The following ADCY5 variants were observed in gnomAD, a reference collection of about 807,000 sequenced individuals.
The protein encoded by ADCY5 is adenylate cyclase 5.
A neutral mutation model predicts 119.7 loss-of-function variants in ADCY5; 30 were observed. The observed-to-expected ratio is 0.25, with a 90% CI of 0.19 to 0.34. The LOEUF (loss-of-function observed/expected upper bound fraction) is 0.34, where lower values mean the gene tolerates loss of function less well. Among genes scored for constraint, ADCY5 ranks in the 10% least tolerant of loss-of-function variants. ADCY5 has a pLI of 1.00. For synonymous variants in ADCY5, 753 were observed against 762.2 expected (o/e 0.99, Z 0.20); for missense variants, 1,324 against 1,775.2 (o/e 0.75, Z 4.57).
intron 1 of ADCY5, among the ~76,000 whole-genome samples, chr3:123,427,826 T>C (rs1055083696): frequency 1.3e-5 from 2 of 152,238 alleles, no homozygotes; most frequent in African/African-American, 2.4e-5. Flanking sequence ...ACAGGTTTGC[T>C]GTTGAGGACA....
At chr3:123,328,556 C>T (rs904589724) in intron 6 of ADCY5, 88 bp downstream of exon 6, 11 of 1,498,120 alleles carry the variant, frequency 7.3e-6, no homozygotes, top group Non-Finnish European at 1.0e-5. Context: ...CCACCCTGCC[C>T]CGCCTCGCCT....
intron 2 of ADCY5, among the ~76,000 whole-genome samples, chr3:123,349,085 A>C (rs1267666881): frequency 6.6e-6 from 1 of 151,952 alleles, no homozygotes; most frequent in Non-Finnish European, 1.5e-5. Flanking sequence ...CATTTCCCAC[A>C]TCCCTACCTC....
intron 3 of ADCY5, among the ~76,000 whole-genome samples, chr3:123,341,266 T>C (rs1476446803): frequency 1.3e-5 from 2 of 151,782 alleles, no homozygotes; most frequent in East Asian, 3.9e-4. Flanking sequence ...AAATGTGGTA[T>C]ATTCATATAA....
intron 1 of ADCY5, among the ~76,000 whole-genome samples, chr3:123,359,153 A>G (rs1030432234): frequency 4.6e-5 from 7 of 151,710 alleles, no homozygotes; most frequent in Admixed American, 2.0e-4. Flanking sequence ...GCCCCTTGCA[A>G]TATGGTTCAC....
intron 12 of ADCY5, among the ~76,000 whole-genome samples, chr3:123,307,162 T>C (rs1261935596): frequency 1.3e-5 from 2 of 152,176 alleles, no homozygotes; most frequent in Non-Finnish European, 2.9e-5. Context: ...TTAGCACCAA[T>C]AGTTGAATAA....
chr3:123,446,208 C>T (rs1401887249), intron 1 of ADCY5, among the ~76,000 whole-genome samples: 2 of 152,154 alleles, frequency 1.3e-5, no homozygotes, highest in Admixed American at 6.5e-5. Flanking sequence ...AATACTATGT[C>T]CAGGAAGCCA....
chr3:123,378,525 G>C (rs1056293867), intron 1 of ADCY5, among the ~76,000 whole-genome samples: 18 of 152,228 alleles, frequency 1.2e-4, no homozygotes, highest in African/African-American at 4.1e-4. Flanking sequence ...GACAGACGGA[G>C]GGAGGCGATG....
intron 1 of ADCY5, among the ~76,000 whole-genome samples, chr3:123,408,409 G>A (rs1944960065): frequency 6.6e-6 from 1 of 150,382 alleles, no homozygotes; most frequent in Non-Finnish European, 1.5e-5. Flanking sequence ...TGTAATCCAA[G>A]CACTTTGGGA....
At chr3:123,353,817 C>T (rs1942938800) in intron 1 of ADCY5, among the ~76,000 whole-genome samples, 1 of 152,200 alleles carries the variant, frequency 6.6e-6, no homozygotes, top group Admixed American at 6.5e-5. Flanking sequence ...AGGCTTTGCC[C>T]ACCACAGCTT....
At chr3:123,420,859 C>T (rs1945289998) in intron 1 of ADCY5, among the ~76,000 whole-genome samples, 1 of 152,186 alleles carries the variant, frequency 6.6e-6, no homozygotes, top group African/African-American at 2.4e-5. Flanking sequence ...CTTCTGAGGG[C>T]TGTTTCCCCA....
intron 3 of ADCY5, among the ~76,000 whole-genome samples, chr3:123,339,081 T>C (rs944878531): frequency 1.3e-5 from 2 of 152,052 alleles, no homozygotes; most frequent in Admixed American, 6.5e-5. Flanking sequence ...TATGGCAAGG[T>C]CTCAGCCCAA....
At chr3:123,363,891 A>G (rs1425499630) in intron 1 of ADCY5, among the ~76,000 whole-genome samples, 1 of 152,234 alleles carries the variant, frequency 6.6e-6, no homozygotes, top group Non-Finnish European at 1.5e-5. Flanking sequence ...CCTGGGTGAC[A>G]GAGCAAGACT....
At chr3:123,398,635 C>G (rs955142033) in intron 1 of ADCY5, among the ~76,000 whole-genome samples, 2 of 152,144 alleles carry the variant, frequency 1.3e-5, no homozygotes, top group African/African-American at 4.8e-5. Flanking sequence ...AATATTTCTA[C>G]CCCTACACAC....
At chr3:123,292,079 G>A (rs1289385452) in intron 17 of ADCY5, among the ~76,000 whole-genome samples, 1 of 152,248 alleles carries the variant, frequency 6.6e-6, no homozygotes, top group Non-Finnish European at 1.5e-5. Context: ...CTCGGGTCAA[G>A]AGGCCAGTAG....
intron 2 of ADCY5, among the ~76,000 whole-genome samples, 158 bp from the exon 3 acceptor site, chr3:123,348,061 G>GTGTGTGTGTGTGTGTGTGTGTGTC (rs1347982680): frequency 1.3e-5 from 2 of 150,638 alleles, no homozygotes; most frequent in African/African-American, 4.9e-5. Context: ...GTGTGTGTGT[G>GTGTGTGTGTGTGTGTGTGTGTGTC]TGTCTGTGCA....
rs774264918 is a variant in ADCY5 at position 123,396,727 on chromosome 3, G to GAGGAAGGAAGGA, written c.1135-44158_1135-44147dup. Among the ~76,000 whole-genome samples, 55 of 45,652 alleles carry GAGGAAGGAAGGA rather than the reference G, an allele frequency of 1.2e-3. 2 individuals are homozygous for GAGGAAGGAAGGA. The highest frequency in any genetic ancestry group is 4.2e-3 in the African/African-American group (52 of 12,380). 29.9% of individuals were successfully genotyped at this position (45,652 alleles called of 152,430 possible). On this transcript the variant is annotated intron_variant, in intron 1 of 20. Transcript: ENST00000462833. ...GGGAGGGAGGGAGAGAGAAGGGAGG[G>GAGGAAGGAAGGA]AGGAAGGAAGGAAGGAAGGAAGGAA...
Position 123,447,399 on chromosome 3 carries a change from G to C in ADCY5, c.1134+13C>G, listed in dbSNP as rs765748401. The C allele has an allele frequency of 6.5e-7, 1 of 1,540,476 alleles. No homozygotes were observed. The highest frequency in any genetic ancestry group is 8.8e-7 in the Non-Finnish European group (1 of 1,141,022). Reference sequence around the variant, plus strand: ...CCCCGCAATCCAGTCCCGGTGGCCAGGTCGGCCCCTACCTGCTTCAGCAGG... The same window carrying C: ...CCCCGCAATCCAGTCCCGGTGGCCACGTCGGCCCCTACCTGCTTCAGCAGG... On this transcript the variant is annotated intron_variant, in intron 1 of 20. Transcript: ENST00000462833.
intron 3 of ADCY5, among the ~76,000 whole-genome samples, chr3:123,340,790 G>A (rs1274720033): frequency 6.6e-6 from 1 of 152,054 alleles, no homozygotes; most frequent in Non-Finnish European, 1.5e-5. Flanking sequence ...TAGAATCGCC[G>A]TATGATCCAG....
In ADCY5 at chr3:123,447,644, G is replaced by A; in HGVS notation, c.902C>T (p.Ala301Val). 6.2e-7 allele frequency: 1 copy of A among 1,608,622 alleles called. No homozygotes were observed. The highest frequency in any genetic ancestry group is 8.5e-7 in the Non-Finnish European group (1 of 1,178,074). ...CACCACGGCGATGAGCGCATAGCAG[G>A]CCAGGCCCATGTGGTCCTGGTGGAA... ...AAFHQDHMGL[A>V]CYALIAVVLA... Residue 301 changes from alanine to valine, a missense_variant, in exon 1 of 21, where the codon GCC (alanine) becomes GTC (valine). By Grantham distance (64) the Ala-to-Val change is moderately conservative (BLOSUM62 0). Transcript: ENST00000462833.
Sources: allele counts gnomAD v4.1 joint callset (sites outside exome capture counted in the v4.1 genomes callset), GRCh38; gene constraint gnomAD v4.1.1; transcripts MANE v1.5; gene names NCBI Gene and HGNC (gene_info 2026-07-23, HGNC 2026-07-21).